Variants in IL31RA observed in about 807,000 individuals in gnomAD.
IL31RA encodes interleukin 31 receptor A, also known as interleukin-31 receptor subunit alpha.
Under a neutral mutation model 83.7 loss-of-function variants are expected in IL31RA, and 66 were observed. The ratio of observed to expected loss-of-function variants is 0.79; its 90% CI spans 0.65 to 0.97. The LOEUF is 0.97. Ranked by LOEUF, IL31RA falls within the 50% of genes least tolerant of loss-of-function variation. IL31RA has a pLI of 0.00. For synonymous variants in IL31RA, 325 were observed against 329.0 expected (o/e 0.99, Z 0.13); for missense variants, 798 against 919.4 (o/e 0.87, Z 1.71).
intron 5 of IL31RA, among the ~76,000 whole-genome samples, chr5:55,887,753 C>T (rs994934510): frequency 2.0e-5 from 3 of 152,026 alleles, no homozygotes; most frequent in Non-Finnish European, 4.4e-5. Context: ...GGCGTGTTGG[C>T]AGGCACCTGT....
intron 4 of IL31RA, among the ~76,000 whole-genome samples, chr5:55,878,596 A>G (rs572717524): frequency 6.6e-6 from 1 of 152,304 alleles, no homozygotes; most frequent in East Asian, 1.9e-4. Flanking sequence ...CTGAGTATAC[A>G]TCTTGTGTAG....
intron 1 of IL31RA, among the ~76,000 whole-genome samples, chr5:55,857,779 T>C (rs1745444994): frequency 6.6e-6 from 1 of 152,204 alleles, no homozygotes; most frequent in African/African-American, 2.4e-5. Flanking sequence ...CTTTTCTCCC[T>C]TCCCTTTGTT....
Position 55,855,007 on chromosome 5 carries a change from G to C in IL31RA, c.63+3374G>C, listed in dbSNP as rs563856657. The stretch of plus-strand genomic sequence containing the variant: ...GTGAAAGTATAAACCAAGTCCTGTG[G>C]GTCTTGAGGAATTCTGAGGCACTGA... On this transcript the variant is annotated intron_variant, in intron 1 of 14. Transcript: ENST00000652347. 5.3e-5 allele frequency among the ~76,000 whole-genome samples: 8 copies of C among 152,164 alleles called. No homozygotes were observed. In the East Asian group the frequency reaches 1.5e-3, roughly 29 times the overall value.
At position 55,903,433 on chromosome 5, in the gene IL31RA, G is replaced by A. The variant is rs1346895704; in HGVS notation, c.1070-2673G>A. ...GATGTTTGGAGTAATTGCTCAGAAA[G>A]CTCTTGTTGAATGATGGAAGGACCC... is the stretch of plus-strand genomic sequence containing the variant. On this transcript the variant is annotated intron_variant, in intron 8 of 14. Coordinates refer to ENST00000652347, the MANE Select transcript of IL31RA (RefSeq NM_139017.7). This position sits in a 1 kb window ranked among gnomAD's most constrained non-coding sequence, Gnocchi z 4.7. Among the ~76,000 whole-genome samples, 1 of 152,356 alleles carries A rather than the reference G, an allele frequency of 6.6e-6. No homozygotes were observed. Among genetic ancestry groups the A allele is most frequent in the East Asian group, 1.9e-4 (1 of 5,188 alleles).
chr5:55,895,007 G>A (rs1051772464), intron 6 of IL31RA, among the ~76,000 whole-genome samples: 27 of 152,136 alleles, frequency 1.8e-4, no homozygotes, highest in African/African-American at 6.0e-4. Context: ...ATGAGCCACC[G>A]TGCCCAGCCA....
At chr5:55,906,421 A>T (rs1749164179) in intron 9 of IL31RA, 133 bp downstream of exon 9, 1 of 865,234 alleles carries the variant, frequency 1.2e-6, no homozygotes. Flanking sequence ...TGCAAGCTTA[A>T]TGAAGTGACA....
At position 55,916,637 on chromosome 5, in the gene IL31RA, T is replaced by C. The variant is rs746626095; in HGVS notation, c.1819-7T>C. 1 of 1,613,410 alleles carries C rather than the reference T, an allele frequency of 6.2e-7. No individual in the cohort carries two copies. The highest frequency in any genetic ancestry group is 8.5e-7 in the Non-Finnish European group (1 of 1,179,364). On this transcript the variant is annotated splice_region_variant and splice_polypyrimidine_tract_variant and intron_variant, in intron 14 of 14. Transcript: ENST00000652347. ...GACCACTTGGGATGTCCCTTTTTCTTTTCCAGGATAAGCTAAACCTGAAGG... is the reference window on the plus strand; with the variant it reads ...GACCACTTGGGATGTCCCTTTTTCTCTTCCAGGATAAGCTAAACCTGAAGG...
chr5:55,864,164 T>A (rs1396685289), intron 2 of IL31RA, among the ~76,000 whole-genome samples: 1 of 152,128 alleles, frequency 6.6e-6, no homozygotes, highest in Admixed American at 6.5e-5. Flanking sequence ...AGAATCAACT[T>A]TGAAATCCTC....
intron 5 of IL31RA, among the ~76,000 whole-genome samples, chr5:55,888,121 C>T (rs912961137): frequency 7.2e-5 from 11 of 151,872 alleles, no homozygotes; most frequent in South Asian, 2.1e-4. Flanking sequence ...TCTATTAAGA[C>T]AAACACTTTG....
In IL31RA at chr5:55,918,720, T is replaced by C. The variant is rs922290944; in HGVS notation, c.*1600T>C. The stretch of plus-strand genomic sequence containing the variant: ...CCACTTACCTTAGCCAATTGCTGCC[T>C]CGTTACTGTGGGCACAGGAAGGTGT... On this transcript the variant is annotated 3_prime_UTR_variant, in exon 15 of 15. Coordinates refer to ENST00000652347, the MANE Select transcript of IL31RA (RefSeq NM_139017.7). Among the ~76,000 whole-genome samples the C allele has an allele frequency of 5.3e-5, 8 of 152,118 alleles. No homozygotes were observed. Among genetic ancestry groups the C allele is most frequent in the Non-Finnish European group, 1.0e-4 (7 of 68,018 alleles).
intron 6 of IL31RA, among the ~76,000 whole-genome samples, chr5:55,892,356 C>G (rs1044401275): frequency 6.6e-6 from 1 of 152,182 alleles, no homozygotes; most frequent in East Asian, 1.9e-4. Flanking sequence ...CAGTCTCATA[C>G]CCAAGTTGCA....
intron 8 of IL31RA, 119 bp from the exon 9 acceptor site, chr5:55,905,987 A>T: frequency 1.0e-6 from 1 of 957,534 alleles, no homozygotes; most frequent in Non-Finnish European, 1.7e-6. Context: ...GGGAGGCTGC[A>T]GTGGAGATCC....
chr5:55,881,105 G>A (rs1270904956), intron 4 of IL31RA, among the ~76,000 whole-genome samples: 27 of 151,958 alleles, frequency 1.8e-4, no homozygotes. Context: ...GCTTGAGACC[G>A]TCTTGGCTAA....
At chr5:55,843,146 C>A in the IL31RA span, among the ~76,000 whole-genome samples, 500 of 152,224 alleles carry the variant, frequency 3.3e-3, 6 homozygotes, top group African/African-American at 0.012. Context: ...GTTAGGATTT[C>A]CAAATTACAT....
the IL31RA span, among the ~76,000 whole-genome samples, chr5:55,845,977 C>T: frequency 6.6e-6 from 1 of 152,192 alleles, no homozygotes. Flanking sequence ...ATGAGGGCCT[C>T]TTTATGACTC....
At position 55,921,716 on chromosome 5, in the gene IL31RA, G is replaced by A. The variant is rs114640225; in HGVS notation, c.*4596G>A. Among the ~76,000 whole-genome samples, 9 of 152,226 alleles carry A rather than the reference G, an allele frequency of 5.9e-5. No individual in the cohort carries two copies. In the South Asian group the frequency reaches 1.5e-3, roughly 25 times the overall value. ...TTAATGAAACTTTATAGTTATTTGT[G>A]TTGCTTTAATCCTTGTGAAGCCAAA... On this transcript the variant is annotated 3_prime_UTR_variant, in exon 15 of 15. Transcript: ENST00000652347.
chr5:55,878,427 G>A lies in IL31RA; in HGVS notation c.455-4617G>A, dbSNP rs1031010553. Among the ~76,000 whole-genome samples, 11 of 151,908 alleles carry A rather than the reference G, an allele frequency of 7.2e-5. No individual in the cohort carries two copies. In the South Asian group the frequency reaches 8.4e-4, roughly 12 times the overall value. On this transcript the variant is annotated intron_variant, in intron 4 of 14. Transcript: ENST00000652347. ...TTTCTTTGTATGCCTTGCAATTTTT[G>A]TTGTTGTTGTTAAAAATTGGGCATT...
intron 10 of IL31RA, 139 bp downstream of exon 10, chr5:55,907,599 G>T (rs1450411774): frequency 1.4e-6 from 1 of 697,418 alleles, no homozygotes; most frequent in African/African-American, 1.8e-5. Flanking sequence ...AGCTCTGTAT[G>T]TTATGAATTT....
intron 14 of IL31RA, 25 bp downstream of exon 14, chr5:55,914,953 G>C: frequency 6.5e-7 from 1 of 1,538,992 alleles, no homozygotes; most frequent in Non-Finnish European, 9.0e-7. Flanking sequence ...TTTTATTAAG[G>C]AAATCATTGC....
Sources: gnomAD v4.1 joint callset for allele counts (sites outside exome capture counted in the v4.1 genomes callset) on GRCh38, gnomAD v4.1.1 for gene constraint, Gnocchi (gnomAD v3.1) non-coding constraint, MANE v1.5 for transcripts, NCBI Gene and HGNC (gene_info 2026-07-23, HGNC 2026-07-21) for gene names.